APP: variants seen among roughly 807,000 people sequenced by gnomAD.
APP encodes the protein amyloid beta precursor protein, also known as amyloid-beta precursor protein.
APP carries 31 observed loss-of-function variants against 101.4 expected under a neutral mutation model. That is an observed-to-expected ratio of 0.31 (90% confidence interval 0.23 to 0.41). The LOEUF is 0.41. APP is among the 10% of genes least tolerant of loss of function. The pLI is 1.00. For synonymous variants in APP, 366 were observed against 364.4 expected, an observed-to-expected ratio of 1.00 and a Z score of -0.05; for missense variants, 839 against 1,003.7, an observed-to-expected ratio of 0.84 and a Z score of 2.22.
At chr21:25,976,674 T>C (rs1367032151) in intron 9 of APP, among the ~76,000 whole-genome samples, 1 of 152,242 alleles carries the variant, frequency 6.6e-6, no homozygotes, top group Non-Finnish European at 1.5e-5. Flanking sequence ...ACATGTAATA[T>C]TCTGAATGCA....
intron 1 of APP, among the ~76,000 whole-genome samples, chr21:26,168,997 G>C (rs2063679745): frequency 6.6e-6 from 1 of 152,140 alleles, no homozygotes; most frequent in South Asian, 2.1e-4. Flanking sequence ...ATTACTAGGA[G>C]GCTGGGGGAA....
intron 13 of APP, among the ~76,000 whole-genome samples, chr21:25,915,881 T>C (rs749850215): frequency 6.6e-6 from 1 of 152,186 alleles, no homozygotes; most frequent in Non-Finnish European, 1.5e-5. Flanking sequence ...CCCATGGTGG[T>C]TAATTATATT....
At chr21:25,896,473 T>TTA (rs1031036820) in intron 16 of APP, among the ~76,000 whole-genome samples, 1 of 152,014 alleles carries the variant, frequency 6.6e-6, no homozygotes, top group African/African-American at 2.4e-5. Context: ...TAACTTTAAG[T>TTA]ATTATTGCTA....
chr21:26,147,867 C>A (rs1055301685), intron 1 of APP, among the ~76,000 whole-genome samples: 6 of 152,008 alleles, frequency 3.9e-5, no homozygotes, highest in Admixed American at 3.9e-4. Flanking sequence ...TCCCCAACCC[C>A]CCCAAAAAAA....
At chr21:26,064,724 G>A (rs1954687308) in intron 3 of APP, among the ~76,000 whole-genome samples, 1 of 152,110 alleles carries the variant, frequency 6.6e-6, no homozygotes, top group Admixed American at 6.5e-5. Context: ...ATAACAAAGG[G>A]TCTCAATCCC....
intron 15 of APP, 91 bp downstream of exon 15, chr21:25,904,933 T>G: frequency 8.7e-7 from 1 of 1,151,376 alleles, no homozygotes; most frequent in Middle Eastern, 1.9e-4. Flanking sequence ...GTAAGTACAA[T>G]TGAGAGAGGC....
chr21:25,991,708 G>A lies in APP; in HGVS notation c.1090+5652C>T, dbSNP rs113082910. ...CTACTTTTATAAAAGTAGTATTATC[G>A]GAACACAGCCTTGTCTATTTGTTTA... On this transcript the variant is annotated intron_variant, in intron 8 of 17. Coordinates refer to ENST00000346798, the MANE Select transcript of APP (RefSeq NM_000484.4). Among the ~76,000 whole-genome samples the A allele has an allele frequency of 5.0e-3, 759 of 152,276 alleles. 7 individuals are homozygous for A. The highest frequency in any genetic ancestry group is 0.017 in the African/African-American group (715 of 41,548).
At chr21:26,063,330 T>C (rs535942740) in intron 3 of APP, among the ~76,000 whole-genome samples, 6 of 152,338 alleles carry the variant, frequency 3.9e-5, no homozygotes, top group African/African-American at 7.2e-5. Flanking sequence ...GACAAATACA[T>C]TGCCTTGCTC....
chr21:25,931,935 C>T (rs1230187368), intron 13 of APP, among the ~76,000 whole-genome samples: 1 of 152,154 alleles, frequency 6.6e-6, no homozygotes, highest in Non-Finnish European at 1.5e-5. Flanking sequence ...CAGAACTCCA[C>T]AGGCGCTTTG....
intron 5 of APP, among the ~76,000 whole-genome samples, chr21:26,044,522 A>G (rs2045520236): frequency 1.3e-5 from 2 of 152,260 alleles, no homozygotes; most frequent in South Asian, 4.1e-4. Flanking sequence ...TTGACAAGTG[A>G]GCAATGTATT....
intron 6 of APP, among the ~76,000 whole-genome samples, chr21:26,012,055 G>C (rs2043829934): frequency 1.3e-5 from 2 of 149,118 alleles, no homozygotes; most frequent in Non-Finnish European, 3.0e-5. Context: ...ACCAAGGCTG[G>C]AGTGTGGTGG....
chr21:25,908,983 G>C (rs1228908529), intron 14 of APP, among the ~76,000 whole-genome samples: 4 of 152,144 alleles, frequency 2.6e-5, no homozygotes, highest in Non-Finnish European at 5.9e-5. Context: ...ACCAATTGGG[G>C]CCGGGCGCCG....
chr21:25,945,509 A>G (rs2040777760), intron 13 of APP: 1 of 152,866 alleles, frequency 6.5e-6, no homozygotes, highest in Non-Finnish European at 1.5e-5. Flanking sequence ...GAACAAAGAT[A>G]ACGGACTCAC....
chr21:25,952,280 G>A (rs1341461494), intron 13 of APP, among the ~76,000 whole-genome samples: 1 of 150,782 alleles, frequency 6.6e-6, no homozygotes, highest in Non-Finnish European at 1.5e-5. Flanking sequence ...TAAGTTTGAG[G>A]GTACATGTGC....
intron 1 of APP, among the ~76,000 whole-genome samples, chr21:26,113,481 C>T (rs989988926): frequency 6.6e-6 from 1 of 152,204 alleles, no homozygotes; most frequent in African/African-American, 2.4e-5. Flanking sequence ...AAAAACAAAA[C>T]AGGTCTTAGA....
intron 2 of APP, among the ~76,000 whole-genome samples, chr21:26,109,305 G>T (rs548728718): frequency 8.5e-5 from 13 of 152,300 alleles, no homozygotes; most frequent in African/African-American, 3.1e-4. Context: ...GGAAGGGATT[G>T]GATCATGGGG....
intron 5 of APP, among the ~76,000 whole-genome samples, chr21:26,026,459 T>C (rs542899730): frequency 6.6e-6 from 1 of 152,196 alleles, no homozygotes; most frequent in South Asian, 2.1e-4. Flanking sequence ...ATCACAAAGG[T>C]GACTCTCCTT....
intron 1 of APP, among the ~76,000 whole-genome samples, chr21:26,143,461 A>G (rs1812147601): frequency 6.6e-6 from 1 of 152,206 alleles, no homozygotes; most frequent in African/African-American, 2.4e-5. Context: ...TGTATATTCA[A>G]TGTATACAAC....
At chr21:26,133,075 A>G (rs1287616904) in intron 1 of APP, among the ~76,000 whole-genome samples, 2 of 152,108 alleles carry the variant, frequency 1.3e-5, no homozygotes, top group Admixed American at 6.5e-5. Context: ...CGTCTCTAAA[A>G]AAAGATACAA....
Sources: allele counts gnomAD v4.1 joint callset (sites outside exome capture counted in the v4.1 genomes callset), GRCh38; gene constraint gnomAD v4.1.1; transcripts MANE v1.5; gene names NCBI Gene and HGNC (gene_info 2026-07-23, HGNC 2026-07-21).